Variants in FILIP1L observed in about 807,000 individuals in gnomAD.
FILIP1L encodes filamin A-interacting protein 1-like.
FILIP1L carries 55 observed loss-of-function variants against 96.6 expected under a neutral mutation model. That is an observed-to-expected ratio of 0.57 (90% CI 0.46 to 0.71). The LOEUF (loss-of-function observed/expected upper bound fraction) is 0.71. Ranked by LOEUF, FILIP1L falls within the 30% of genes least tolerant of loss-of-function variation. The pLI, the probability that FILIP1L is intolerant of heterozygous loss-of-function variation, is 0.00. For synonymous variants in FILIP1L, 467 were observed against 473.9 expected, an observed-to-expected ratio of 0.99 and a Z score of 0.19; for missense variants, 1,304 against 1,321.2, an observed-to-expected ratio of 0.99 and a Z score of 0.20.
intron 4 of FILIP1L, among the ~76,000 whole-genome samples, chr3:99,856,969 A>T (rs188118392): frequency 1.5e-4 from 23 of 152,300 alleles, no homozygotes; most frequent in African/African-American, 4.8e-4. Context: ...TATTTTTTGT[A>T]CATTACAGTC....
chr3:99,940,195 G>A (rs1376839581), intron 1 of FILIP1L, among the ~76,000 whole-genome samples: 5 of 152,216 alleles, frequency 3.3e-5, no homozygotes. Flanking sequence ...AAACAGGGCT[G>A]AGAATGTTTT....
chr3:99,913,367 T>TATCTTTTTGATTAAAGTTATC (rs1316885960), intron 4 of FILIP1L, among the ~76,000 whole-genome samples: 2 of 152,242 alleles, frequency 1.3e-5, no homozygotes, highest in East Asian at 3.8e-4. Context: ...TACTTGTTAT[T>TATCTTTTTGATTAAAGTTATC]ATCTTTTTGA....
chr3:100,103,873 C>G (rs887957227), intron 1 of FILIP1L, among the ~76,000 whole-genome samples: 7 of 152,294 alleles, frequency 4.6e-5, no homozygotes, highest in African/African-American at 1.7e-4. Flanking sequence ...TATCAATGAA[C>G]AGCTGATATT....
intron 1 of FILIP1L, among the ~76,000 whole-genome samples, chr3:100,063,490 C>T (rs868161669): frequency 3.3e-5 from 5 of 152,082 alleles, no homozygotes; most frequent in South Asian, 4.2e-4. Context: ...GGTGAATTTA[C>T]TTTAAAAAAA....
chr3:100,051,543 T>G (rs1055700198), intron 1 of FILIP1L, among the ~76,000 whole-genome samples: 3 of 134,508 alleles, frequency 2.2e-5, no homozygotes. Flanking sequence ...TGTGTGATGT[T>G]CCCCTTCCTA....
intron 1 of FILIP1L, among the ~76,000 whole-genome samples, chr3:100,041,984 C>CT (rs1388154651): frequency 2.0e-5 from 3 of 152,212 alleles, no homozygotes; most frequent in African/African-American, 7.2e-5. Context: ...CTTCCTCTTT[C>CT]TTCAGCTATA....
At chr3:100,056,377 G>GA (rs1312289940) in intron 1 of FILIP1L, among the ~76,000 whole-genome samples, 1 of 152,126 alleles carries the variant, frequency 6.6e-6, no homozygotes, top group African/African-American at 2.4e-5. Context: ...AGGCTTTTTA[G>GA]AAACTTACAG....
chr3:99,918,126 C>T (rs772438366), intron 4 of FILIP1L, among the ~76,000 whole-genome samples: 101 of 151,922 alleles, frequency 6.6e-4, no homozygotes, highest in Admixed American at 2.4e-3. Flanking sequence ...TACAGGCGCG[C>T]GGCACCACGC....
intron 1 of FILIP1L, among the ~76,000 whole-genome samples, chr3:100,053,870 G>T (rs1049354501): frequency 6.6e-6 from 1 of 152,148 alleles, no homozygotes; most frequent in African/African-American, 2.4e-5. Flanking sequence ...GCCAGATTTT[G>T]TTCTCCATTA....
chr3:99,955,696 T>C (rs938230282), intron 1 of FILIP1L, among the ~76,000 whole-genome samples: 3 of 152,226 alleles, frequency 2.0e-5, no homozygotes, highest in African/African-American at 7.2e-5. Context: ...GCATTGATGA[T>C]GAAGATCCTT....
Position 100,101,338 on chromosome 3 carries a change from A to G in FILIP1L, c.-11+12715T>C, listed in dbSNP as rs1215152464. Among the ~76,000 whole-genome samples the G allele has an allele frequency of 2.0e-5, 3 of 152,324 alleles. No individual in the cohort carries two copies. The South Asian group carries it at 6.2e-4, about 32-fold the overall frequency. The stretch of plus-strand genomic sequence containing the variant: ...ACTTCGTTGACTGAGGACACAGACC[A>G]GGACCAGAGACTTTTGTGGGAAGAA... On this transcript the variant is annotated intron_variant, in intron 1 of 5. Coordinates refer to ENST00000477258, the MANE Select transcript of FILIP1L (RefSeq NM_001387850.1).
At chr3:100,043,973 A>T (rs1320193350) in intron 1 of FILIP1L, among the ~76,000 whole-genome samples, 1 of 152,218 alleles carries the variant, frequency 6.6e-6, no homozygotes, top group Admixed American at 6.5e-5. Flanking sequence ...TTCACTTAGC[A>T]TGATGTCCTC....
chr3:99,948,666 G>A (rs544863683), intron 1 of FILIP1L, among the ~76,000 whole-genome samples: 1 of 148,846 alleles, frequency 6.7e-6, no homozygotes, highest in South Asian at 2.2e-4. Context: ...GGGAAGGGAA[G>A]GGAAAGAGGA....
At chr3:99,958,959 G>A (rs767780133) in intron 1 of FILIP1L, among the ~76,000 whole-genome samples, 5 of 152,062 alleles carry the variant, frequency 3.3e-5, no homozygotes, top group African/African-American at 4.8e-5. Context: ...TATACCACTG[G>A]ATTCTTGTGT....
intron 1 of FILIP1L, among the ~76,000 whole-genome samples, chr3:100,058,210 C>T (rs2065498519): frequency 6.6e-6 from 1 of 152,226 alleles, no homozygotes. Flanking sequence ...ACTCTCTATA[C>T]CCTACTGCCT....
chr3:100,099,673 T>C (rs2066271780), intron 1 of FILIP1L, among the ~76,000 whole-genome samples: 2 of 152,178 alleles, frequency 1.3e-5, no homozygotes, highest in African/African-American at 4.8e-5. Context: ...ATATACCATG[T>C]TATTCATTCC....
chr3:99,947,963 G>A (rs1708059084), intron 1 of FILIP1L, among the ~76,000 whole-genome samples: 1 of 152,148 alleles, frequency 6.6e-6, no homozygotes, highest in Non-Finnish European at 1.5e-5. Flanking sequence ...AAAAATATGA[G>A]AATCAGACCT....
At chr3:99,830,915 A>G (rs959069153) in intron 5 of FILIP1L, among the ~76,000 whole-genome samples, 3 of 152,250 alleles carry the variant, frequency 2.0e-5, no homozygotes, top group Admixed American at 1.3e-4. Flanking sequence ...TCAAAGAGCC[A>G]TGAGATTGCC....
intron 1 of FILIP1L, among the ~76,000 whole-genome samples, chr3:100,088,902 T>C (rs1263711478): frequency 6.6e-6 from 1 of 152,226 alleles, no homozygotes; most frequent in Non-Finnish European, 1.5e-5. Flanking sequence ...TTTTTTGTTA[T>C]GTTTATTTTT....
Sources: gnomAD v4.1 joint callset for allele counts (sites outside exome capture counted in the v4.1 genomes callset) on GRCh38, gnomAD v4.1.1 for gene constraint, MANE v1.5 for transcripts, NCBI Gene and HGNC (gene_info 2026-07-23, HGNC 2026-07-21) for gene names.